AP3B1: variants seen among roughly 807,000 people sequenced by gnomAD.
The protein encoded by AP3B1 is adaptor related protein complex 3 subunit beta 1, also known as AP-3 complex subunit beta-1.
A neutral mutation model predicts 132.5 loss-of-function variants in AP3B1; 61 were observed. That is an observed-to-expected ratio of 0.46 (90% CI 0.37 to 0.57). The LOEUF (loss-of-function observed/expected upper bound fraction) is 0.57. Among genes scored for constraint, AP3B1 ranks in the 20% least tolerant of loss-of-function variants. AP3B1 has a pLI of 0.00. For missense variants in AP3B1, 1,120 were observed against 1,289.4 expected (o/e 0.87, Z 2.01); for synonymous variants, 388 against 438.3 (o/e 0.89, Z 1.43).
intron 21 of AP3B1, among the ~76,000 whole-genome samples, chr5:78,093,459 A>T (rs936760530): frequency 6.6e-6 from 1 of 152,220 alleles, no homozygotes; most frequent in African/African-American, 2.4e-5. Flanking sequence ...ATCTAAACTG[A>T]TATGTCAGAA....
intron 17 of AP3B1, among the ~76,000 whole-genome samples, chr5:78,122,383 A>G (rs1256758252): frequency 1.3e-5 from 2 of 152,340 alleles, no homozygotes; most frequent in East Asian, 1.9e-4. Flanking sequence ...AGGGCATTCA[A>G]TTAGGAAAAG....
chr5:78,090,401 T>A (rs1750460988), intron 21 of AP3B1, among the ~76,000 whole-genome samples: 1 of 152,236 alleles, frequency 6.6e-6, no homozygotes, highest in Non-Finnish European at 1.5e-5. Context: ...GCACTAGCTC[T>A]ATGGGATAAT....
chr5:78,231,351 C>T (rs1391368892), intron 3 of AP3B1, among the ~76,000 whole-genome samples: 5 of 151,718 alleles, frequency 3.3e-5, no homozygotes, highest in Non-Finnish European at 5.9e-5. Context: ...CTTTTGTATT[C>T]TTAGTAGAGA....
Position 78,027,752 on chromosome 5 carries a change from A to G in AP3B1, c.2894+6609T>C, listed in dbSNP as rs531756022. 8.5e-5 allele frequency among the ~76,000 whole-genome samples: 13 copies of G among 152,208 alleles called. No individual in the cohort carries two copies. In the East Asian group the frequency reaches 1.2e-3, roughly 14 times the overall value. On this transcript the variant is annotated intron_variant, in intron 24 of 26. Transcript: ENST00000255194. ...AAGTTCCAGGTTTTTTTCTCTCTAC[A>G]TAAGTATTTGTACCACCTTTCTAAA...
At chr5:78,236,447 G>T (rs961051814) in intron 3 of AP3B1, among the ~76,000 whole-genome samples, 3 of 152,214 alleles carry the variant, frequency 2.0e-5, no homozygotes, top group Non-Finnish European at 4.4e-5. Flanking sequence ...ACAAAACAGA[G>T]GGAGGAATCA....
At chr5:78,087,729 C>T (rs958324455) in intron 22 of AP3B1, 3 of 980,000 alleles carry the variant, frequency 3.1e-6, no homozygotes, top group Admixed American at 1.2e-4. Context: ...CTGTCAATTA[C>T]TTTGTGATGA....
intron 22 of AP3B1, among the ~76,000 whole-genome samples, chr5:78,085,462 C>G (rs993686396): frequency 6.6e-6 from 1 of 152,060 alleles, no homozygotes; most frequent in African/African-American, 2.4e-5. Flanking sequence ...TTTTCATAAA[C>G]TGAATACACC....
In AP3B1 at chr5:78,144,488, A is replaced by ACAT. The variant is rs541937572; in HGVS notation, c.1474-3172_1474-3170dup. Among the ~76,000 whole-genome samples, 4 of 152,308 alleles carry ACAT rather than the reference A, an allele frequency of 2.6e-5. No individual in the cohort carries two copies. In the South Asian group the frequency reaches 8.3e-4, roughly 32 times the overall value. ...ACAGTCCAAAGTAAACCCTACAAAA[A>ACAT]CATCAATTTCATTTATTTAAATTTG... On this transcript the variant is annotated intron_variant, in intron 14 of 26. Transcript: ENST00000255194.
intron 7 of AP3B1, among the ~76,000 whole-genome samples, chr5:78,184,041 G>A (rs1006059114): frequency 1.5e-4 from 22 of 150,694 alleles, no homozygotes; most frequent in African/African-American, 3.2e-4. Flanking sequence ...GGTGGTGGAC[G>A]CCTGTAATCC....
intron 11 of AP3B1, 142 bp from the exon 12 acceptor site, chr5:78,165,814 A>T: frequency 1.4e-6 from 1 of 708,408 alleles, no homozygotes; most frequent in Non-Finnish European, 2.5e-6. Context: ...CATGCCTGTA[A>T]TCCCAGCACT....
chr5:78,120,986 G>C (rs185604513), intron 17 of AP3B1, among the ~76,000 whole-genome samples: 3 of 151,920 alleles, frequency 2.0e-5, no homozygotes, highest in Non-Finnish European at 4.4e-5. Flanking sequence ...AAATTATAAC[G>C]AACTGTCTCT....
Position 78,128,144 on chromosome 5 carries a change from C to G in AP3B1, c.1854G>C (p.Gln618His), listed in dbSNP as rs2112298796. The G allele has an allele frequency of 4.4e-6, 7 of 1,607,650 alleles. No homozygotes were observed. The highest frequency in any genetic ancestry group is 2.2e-5 in the East Asian group (1 of 44,800). The change falls in exon 17 of 27, where the codon CAG becomes CAC. Residue 618 changes from glutamine to histidine, a missense_variant. This residue lies in a region of AP3B1 where 906 missense variants were observed against 997.1 expected (regional missense o/e 0.91). Transcript: ENST00000255194. ...TGAGAGTATGAGATAAGGTGCCAAG[C>G]TGGAAATGATCTCTATCTATTAAAA... ...ESPFKDRDHF[Q>H]LGTLSHTLNI...
intron 7 of AP3B1, among the ~76,000 whole-genome samples, chr5:78,188,775 C>T (rs111278432): frequency 0.033 from 4,945 of 152,138 alleles, 146 homozygotes; most frequent in East Asian, 0.13. Context: ...GATATATGCA[C>T]GCAAATGTTC....
At chr5:78,252,241 G>A (rs775159721) in intron 2 of AP3B1, among the ~76,000 whole-genome samples, 9 of 152,168 alleles carry the variant, frequency 5.9e-5, no homozygotes, top group Non-Finnish European at 1.2e-4. Flanking sequence ...GGCTTCAGGT[G>A]AGACTCAGCA....
At chr5:78,168,462 G>T (rs555060048) in intron 11 of AP3B1, among the ~76,000 whole-genome samples, 8 of 151,830 alleles carry the variant, frequency 5.3e-5, no homozygotes, top group African/African-American at 1.9e-4. Flanking sequence ...AGGCTCAAGC[G>T]ATCCTCCTGC....
chr5:78,286,924 A>G (rs1158344460), intron 1 of AP3B1, among the ~76,000 whole-genome samples: 1 of 152,216 alleles, frequency 6.6e-6, no homozygotes, highest in Non-Finnish European at 1.5e-5. Flanking sequence ...TTCCTTCTTG[A>G]TTATTCTACT....
rs144214972 is a variant in AP3B1, at chr5:78,252,998, T to C, written c.205-12062A>G. Among the ~76,000 whole-genome samples the C allele has an allele frequency of 1.5e-4, 23 of 152,268 alleles. No individual in the cohort carries two copies. The East Asian group carries it at 4.4e-3, about 29-fold the overall frequency. On this transcript the variant is annotated intron_variant, in intron 2 of 26. Transcript: ENST00000255194. ...GGCCACACGGGTGCTTGTGTCACCATTCTCAGCTTTATCTGGCTCAAAACA... is the reference window on the plus strand; with the variant it reads ...GGCCACACGGGTGCTTGTGTCACCACTCTCAGCTTTATCTGGCTCAAAACA...
intron 22 of AP3B1, among the ~76,000 whole-genome samples, chr5:78,049,256 A>T (rs1262716434): frequency 6.6e-6 from 1 of 152,136 alleles, no homozygotes; most frequent in African/African-American, 2.4e-5. Flanking sequence ...CATCTTGGGG[A>T]GAAAGGTGGT....
intron 7 of AP3B1, among the ~76,000 whole-genome samples, chr5:78,193,672 A>C (rs1445773822): frequency 6.8e-6 from 1 of 146,154 alleles, no homozygotes; most frequent in East Asian, 2.0e-4. Context: ...ATTTATATAT[A>C]TTTATATATT....
Sources: gnomAD v4.1 joint callset for allele counts (sites outside exome capture counted in the v4.1 genomes callset) on GRCh38, gnomAD v4.1.1 for gene constraint, gnomAD v4.1.1 regional missense constraint, MANE v1.5 for transcripts, NCBI Gene and HGNC (gene_info 2026-07-23, HGNC 2026-07-21) for gene names.